STPG2: variants seen among roughly 807,000 people sequenced by gnomAD.
STPG2 encodes the protein sperm tail PG-rich repeat containing 2.
A neutral mutation model predicts 54.2 loss-of-function variants in STPG2; 56 were observed. The observed-to-expected ratio is 1.03, with a 90% CI of 0.83 to 1.29. The LOEUF (loss-of-function observed/expected upper bound fraction) is 1.29, where lower values mean the gene tolerates loss of function less well. Among genes scored for constraint, STPG2 ranks in the 50% most tolerant of loss-of-function variants. The pLI, the probability that STPG2 is intolerant of heterozygous loss-of-function variation, is 0.00. For synonymous variants in STPG2, 200 were observed against 181.8 expected (o/e 1.10, Z -0.81); for missense variants, 596 against 544.9 (o/e 1.09, Z -0.93).
chr4:97,723,467 A>G (rs1724519956), intron 9 of STPG2, among the ~76,000 whole-genome samples: 1 of 152,098 alleles, frequency 6.6e-6, no homozygotes, highest in Non-Finnish European at 1.5e-5. Flanking sequence ...TACCCACTGA[A>G]TCTGATTTCT....
At chr4:97,966,855 G>A (rs1734119203) in intron 7 of STPG2, among the ~76,000 whole-genome samples, 1 of 152,172 alleles carries the variant, frequency 6.6e-6, no homozygotes, top group South Asian at 2.1e-4. Context: ...AGCTCCTGAA[G>A]GAAGCACTAA....
intron 8 of STPG2, among the ~76,000 whole-genome samples, chr4:97,865,861 T>A (rs940094218): frequency 6.6e-6 from 1 of 151,518 alleles, no homozygotes; most frequent in Admixed American, 6.6e-5. Flanking sequence ...AAAATATATA[T>A]ATATTTAAAA....
chr4:98,113,368 T>C (rs1739417035), intron 3 of STPG2, among the ~76,000 whole-genome samples: 1 of 151,954 alleles, frequency 6.6e-6, no homozygotes, highest in Non-Finnish European at 1.5e-5. Flanking sequence ...ACATTGATAG[T>C]TACAGACAAA....
chr4:97,445,131 G>A (rs1156712395), intron 4 of STPG2, among the ~76,000 whole-genome samples: 3 of 152,150 alleles, frequency 2.0e-5, no homozygotes, highest in South Asian at 4.1e-4. Flanking sequence ...AGTTGAGGCT[G>A]TGGTTTTAAA....
At chr4:97,652,968 T>C (rs1331155936) in intron 10 of STPG2, among the ~76,000 whole-genome samples, 1 of 151,972 alleles carries the variant, frequency 6.6e-6, no homozygotes, top group Non-Finnish European at 1.5e-5. Context: ...TCATATACCT[T>C]TAGCAGGAGA....
At chr4:97,729,547 T>C (rs1028100530) in intron 9 of STPG2, among the ~76,000 whole-genome samples, 1 of 152,232 alleles carries the variant, frequency 6.6e-6, no homozygotes, top group Non-Finnish European at 1.5e-5. Flanking sequence ...TTGATAATGC[T>C]GTCTCTGCAG....
At chr4:97,454,574 G>A (rs1307079257) in intron 4 of STPG2, among the ~76,000 whole-genome samples, 41 of 93,414 alleles carry the variant, frequency 4.4e-4, no homozygotes, top group Non-Finnish European at 4.8e-4. Flanking sequence ...GGATTCAAAA[G>A]TTGCCACTAC....
At chr4:97,502,810 G>A (rs1730754387) in intron 4 of STPG2, among the ~76,000 whole-genome samples, 1 of 151,852 alleles carries the variant, frequency 6.6e-6, no homozygotes, top group South Asian at 2.1e-4. Flanking sequence ...GGGAATAATT[G>A]CATGCAGATT....
chr4:97,698,118 C>G (rs1560724727), intron 10 of STPG2, among the ~76,000 whole-genome samples: 1 of 152,058 alleles, frequency 6.6e-6, no homozygotes, highest in African/African-American at 2.4e-5. Flanking sequence ...CCGATCTGGT[C>G]TCAGCAGCAT....
At chr4:97,754,851 A>T (rs1351172940) in intron 9 of STPG2, among the ~76,000 whole-genome samples, 1 of 152,128 alleles carries the variant, frequency 6.6e-6, no homozygotes, top group Non-Finnish European at 1.5e-5. Context: ...GTTAAGAATA[A>T]GGGATTATGC....
intron 3 of STPG2, among the ~76,000 whole-genome samples, chr4:98,128,214 T>C (rs1187524866): frequency 6.6e-6 from 1 of 152,196 alleles, no homozygotes. Context: ...TGAAGGAAAG[T>C]CACTTAACGA....
intron 10 of STPG2, among the ~76,000 whole-genome samples, chr4:97,579,218 T>A (rs1732801213): frequency 6.6e-6 from 1 of 152,052 alleles, no homozygotes; most frequent in Non-Finnish European, 1.5e-5. Flanking sequence ...GCTTTCCTAT[T>A]AGTAGAAAAG....
chr4:98,039,564 G>A (rs566282647), intron 5 of STPG2, among the ~76,000 whole-genome samples: 1 of 150,932 alleles, frequency 6.6e-6, no homozygotes, highest in Non-Finnish European at 1.5e-5. Context: ...AGGGATGAGG[G>A]ATGGGTGCAA....
intron 7 of STPG2, among the ~76,000 whole-genome samples, chr4:97,949,953 T>A (rs544929152): frequency 6.6e-6 from 1 of 152,280 alleles, no homozygotes; most frequent in Admixed American, 6.5e-5. Flanking sequence ...GATATCTAAA[T>A]CACCAGCAAG....
At chr4:97,965,978 T>A (rs1734083039) in intron 7 of STPG2, among the ~76,000 whole-genome samples, 2 of 152,124 alleles carry the variant, frequency 1.3e-5, no homozygotes, top group South Asian at 2.1e-4. Context: ...GGATTGCAGA[T>A]CCTCAACAGC....
intron 9 of STPG2, among the ~76,000 whole-genome samples, chr4:97,724,664 T>C (rs912845334): frequency 6.6e-6 from 1 of 152,154 alleles, no homozygotes. Context: ...AAAGTAGGTT[T>C]ATATCTTTTC....
intron 5 of STPG2, among the ~76,000 whole-genome samples, chr4:98,014,058 T>C (rs1382729438): frequency 6.6e-6 from 1 of 152,118 alleles, no homozygotes; most frequent in Non-Finnish European, 1.5e-5. Flanking sequence ...TTAGTTGTGA[T>C]GTGAGGGTGT....
chr4:97,942,960 T>C (rs1733047115), intron 8 of STPG2, among the ~76,000 whole-genome samples: 1 of 152,154 alleles, frequency 6.6e-6, no homozygotes. Context: ...TCTTTCTCTG[T>C]TTGGAGTGCT....
At chr4:97,659,401 C>A (rs1247528905) in intron 10 of STPG2, among the ~76,000 whole-genome samples, 1 of 150,530 alleles carries the variant, frequency 6.6e-6, no homozygotes, top group African/African-American at 2.5e-5. Context: ...TGTATCATTT[C>A]ATTTACAAAA....
Sources: gnomAD v4.1 joint callset for allele counts (sites outside exome capture counted in the v4.1 genomes callset) on GRCh38, gnomAD v4.1.1 for gene constraint, MANE v1.5 for transcripts, NCBI Gene and HGNC (gene_info 2026-07-23, HGNC 2026-07-21) for gene names.